KCNQ4: variants seen among roughly 807,000 people sequenced by gnomAD.
KCNQ4 encodes potassium voltage-gated channel subfamily KQT member 4.
A neutral mutation model predicts 72.6 loss-of-function variants in KCNQ4; 31 were observed. The ratio of observed to expected loss-of-function variants is 0.43; its 90% CI spans 0.32 to 0.58. The LOEUF (loss-of-function observed/expected upper bound fraction) is 0.58, where lower values mean the gene tolerates loss of function less well. KCNQ4 is among the 20% of genes least tolerant of loss of function. The probability of loss-of-function intolerance (pLI) is 0.08; values close to 1 mark genes in which losing one functional copy is unlikely to be tolerated. For missense variants in KCNQ4, 869 were observed against 962.6 expected (o/e 0.90, Z 1.29); for synonymous variants, 405 against 403.7 (o/e 1.00, Z -0.04).
chr1:40,825,932 A>C (rs913769212), intron 9 of KCNQ4, among the ~76,000 whole-genome samples: 3 of 152,128 alleles, frequency 2.0e-5, no homozygotes, highest in African/African-American at 7.2e-5. Context: ...CTTGGCTGTC[A>C]CTGACTCCCA....
At chr1:40,786,285 C>A (rs977896080) in intron 1 of KCNQ4, among the ~76,000 whole-genome samples, 1 of 152,210 alleles carries the variant, frequency 6.6e-6, no homozygotes, top group South Asian at 2.1e-4. Flanking sequence ...CTTACCCCCC[C>A]AGGCTTGGCC....
At chr1:40,822,105 A>G (rs1648315015) in intron 7 of KCNQ4, among the ~76,000 whole-genome samples, 1 of 152,184 alleles carries the variant, frequency 6.6e-6, no homozygotes, top group Non-Finnish European at 1.5e-5. Flanking sequence ...TGGCTCTGAC[A>G]TTGATCTGCT....
rs1984092 is a variant in KCNQ4, at chr1:40,799,437, C to T, written c.314+15030C>T. The stretch of plus-strand genomic sequence containing the variant: ...GAGGCAAATGTGTGGGCCATGCCCC[C>T]CCCCTCGCTAGGCAGTAAACACTGC... On this transcript the variant is annotated intron_variant, in intron 1 of 13. Coordinates refer to ENST00000347132, the MANE Select transcript of KCNQ4 (RefSeq NM_004700.4). 5.3e-3 allele frequency among the ~76,000 whole-genome samples: 802 copies of T among 151,970 alleles called. 5 individuals are homozygous for T. The highest frequency in any genetic ancestry group is 0.019 in the African/African-American group (767 of 41,456).
At position 40,838,498 on chromosome 1, in the gene KCNQ4, G is replaced by C. The variant is rs761479115; in HGVS notation, c.2063G>C (p.Arg688Pro). ...TCCGCACAGACGCTCAGCATCTCCC[G>C]CTCGGTCAGCACCAACATGGACTGA... ...SVSAQTLSISRSVSTNMD is the reference protein window; with the variant it reads ...SVSAQTLSISPSVSTNMD Residue 688 changes from arginine (R) to proline (P), a missense_variant, in exon 14 of 14, where the codon CGC (arginine) becomes CCC (proline). Transcript: ENST00000347132. 3 of 1,614,112 alleles carry C rather than the reference G, an allele frequency of 1.9e-6. No individual in the cohort carries two copies. Among genetic ancestry groups the C allele is most frequent in the Non-Finnish European group, 1.7e-6 (2 of 1,179,960 alleles).
chr1:40,790,746 G>C (rs1647265270), intron 1 of KCNQ4, among the ~76,000 whole-genome samples: 1 of 152,224 alleles, frequency 6.6e-6, no homozygotes, highest in Non-Finnish European at 1.5e-5. Flanking sequence ...GGACCAGGGA[G>C]CCAGAGAGAG....
chr1:40,806,639 T>G (rs1305689464), intron 1 of KCNQ4, among the ~76,000 whole-genome samples: 1 of 152,126 alleles, frequency 6.6e-6, no homozygotes, highest in East Asian at 1.9e-4. Context: ...ACTATTACAT[T>G]TGGGATAAAG....
At chr1:40,815,638 C>G (rs977304845) in intron 1 of KCNQ4, among the ~76,000 whole-genome samples, 1 of 152,150 alleles carries the variant, frequency 6.6e-6, no homozygotes, top group Admixed American at 6.5e-5. Flanking sequence ...CGAACTCATT[C>G]ACTCATAACA....
At chr1:40,821,268 C>T (rs1034678977) in intron 7 of KCNQ4, among the ~76,000 whole-genome samples, 11 of 152,200 alleles carry the variant, frequency 7.2e-5, no homozygotes, top group African/African-American at 2.7e-4. Context: ...CCAGCCCATG[C>T]CAGGGGCCTA....
intron 10 of KCNQ4, among the ~76,000 whole-genome samples, chr1:40,832,208 G>A (rs2148330612): frequency 6.6e-6 from 1 of 152,320 alleles, no homozygotes; most frequent in East Asian, 1.9e-4. Flanking sequence ...GGTGGGGAGA[G>A]GTGGGGTGAG....
chr1:40,821,036 A>C (rs898620290), intron 7 of KCNQ4, among the ~76,000 whole-genome samples: 2 of 152,048 alleles, frequency 1.3e-5, no homozygotes, highest in Non-Finnish European at 2.9e-5. Flanking sequence ...GCCCTTCCTT[A>C]TCTCTCCTCC....
intron 1 of KCNQ4, among the ~76,000 whole-genome samples, chr1:40,799,494 C>T (rs1647515344): frequency 1.3e-5 from 2 of 152,068 alleles, no homozygotes; most frequent in African/African-American, 2.4e-5. Flanking sequence ...ACATCTTGGT[C>T]CCCCCACGGT....
At chr1:40,832,904 C>T in intron 10 of KCNQ4, 110 bp from the exon 11 acceptor site, 1 of 806,642 alleles carries the variant, frequency 1.2e-6, no homozygotes, top group South Asian at 1.4e-5. Context: ...CCTTTCTGGG[C>T]CTCTGTCTTC....
chr1:40,808,029 C>T (rs1035745089), intron 1 of KCNQ4, among the ~76,000 whole-genome samples: 1 of 149,642 alleles, frequency 6.7e-6, no homozygotes, highest in Non-Finnish European at 1.5e-5. Context: ...ATTTCTTGAG[C>T]CTTGGAGAGT....
At chr1:40,789,967 C>A (rs1256770724) in intron 1 of KCNQ4, among the ~76,000 whole-genome samples, 2 of 152,216 alleles carry the variant, frequency 1.3e-5, no homozygotes, top group Non-Finnish European at 2.9e-5. Context: ...AAGGTCCGAT[C>A]TTCTTGTGGG....
At position 40,839,545 on chromosome 1, in the gene KCNQ4, A is replaced by T. The variant is rs4660470; in HGVS notation, c.*1022A>T. The stretch of plus-strand genomic sequence containing the variant: ...AGTGGACTGGCCTTGCAGGGTGACG[A>T]CCACTAAGAGGAAGACCCCCAACTC... On this transcript the variant is annotated 3_prime_UTR_variant, in exon 14 of 14. Transcript: ENST00000347132. 128,828 of 152,150 alleles carry T rather than the reference A, an allele frequency of 0.85. 54,661 individuals are homozygous for T. The highest frequency in any genetic ancestry group is 0.92 in the East Asian group (4,745 of 5,138). 9.4% of individuals were successfully genotyped at this position (152,150 alleles called of 1,614,324 possible).
At chr1:40,832,935 G>A in intron 10 of KCNQ4, 79 bp from the exon 11 acceptor site, 1 of 997,400 alleles carries the variant, frequency 1.0e-6, no homozygotes, top group African/African-American at 1.6e-5. Flanking sequence ...CTCTACTGGT[G>A]GTTTGGCATA....
At chr1:40,807,042 TGCCCAGGGGTGGGGCA>T (rs1647786609) in intron 1 of KCNQ4, among the ~76,000 whole-genome samples, 2 of 152,320 alleles carry the variant, frequency 1.3e-5, no homozygotes, top group South Asian at 4.1e-4. Flanking sequence ...ATCCAGCCTA[TGCCCAGGGGTGGGGCA>T]GCCCAGGGGA....
intron 1 of KCNQ4, among the ~76,000 whole-genome samples, chr1:40,804,043 T>C (rs1647676442): frequency 6.6e-6 from 1 of 152,160 alleles, no homozygotes; most frequent in African/African-American, 2.4e-5. Flanking sequence ...ACTCTTTCCC[T>C]TGTCTTGGAC....
chr1:40,838,272 G>C (rs201681109), intron 13 of KCNQ4, 39 bp from the exon 14 acceptor site: 3 of 1,588,020 alleles, frequency 1.9e-6, no homozygotes, highest in Non-Finnish European at 2.6e-6. Flanking sequence ...CGTCCCCTCC[G>C]GTCCCAGGCC....
Sources: gnomAD v4.1 joint callset for allele counts (sites outside exome capture counted in the v4.1 genomes callset) on GRCh38, gnomAD v4.1.1 for gene constraint, MANE v1.5 for transcripts, NCBI Gene and HGNC (gene_info 2026-07-23, HGNC 2026-07-21) for gene names.